Variants in NXPE2 observed in about 807,000 individuals in gnomAD.
The protein encoded by NXPE2 is neurexophilin and PC-esterase domain family member 2.
NXPE2 carries 34 observed loss-of-function variants against 34.4 expected under a neutral mutation model. That is an observed-to-expected ratio of 0.99 (90% CI 0.75 to 1.31). The LOEUF is 1.31. Among genes scored for constraint, NXPE2 ranks in the 40% most tolerant of loss-of-function variants. The pLI is 0.00. For synonymous variants in NXPE2, 235 were observed against 231.3 expected, an observed-to-expected ratio of 1.02 and a Z score of -0.15; for missense variants, 649 against 672.5, an observed-to-expected ratio of 0.97 and a Z score of 0.39.
At chr11:114,479,575 C>G in the NXPE2 span, among the ~76,000 whole-genome samples, 1 of 152,020 alleles carries the variant, frequency 6.6e-6, no homozygotes, top group Non-Finnish European at 1.5e-5. Flanking sequence ...CTGGGAGGAA[C>G]AGCAGTTGGA....
At chr11:114,615,837 G>C in the NXPE2 span, among the ~76,000 whole-genome samples, 1 of 151,602 alleles carries the variant, frequency 6.6e-6, no homozygotes, top group African/African-American at 2.4e-5. Flanking sequence ...TTACCCTGTG[G>C]ATAATAAGAG....
the NXPE2 span, among the ~76,000 whole-genome samples, chr11:114,760,333 C>T: frequency 3.3e-5 from 5 of 152,252 alleles, no homozygotes; most frequent in Non-Finnish European, 4.4e-5. Context: ...AAGAATATGT[C>T]GGTGCCCCAA....
At chr11:114,645,408 C>T in the NXPE2 span, among the ~76,000 whole-genome samples, 2 of 151,954 alleles carry the variant, frequency 1.3e-5, no homozygotes, top group East Asian at 3.9e-4. Flanking sequence ...TGTGAAAAGG[C>T]GAACTTTAAA....
At chr11:114,716,795 G>A in the NXPE2 span, among the ~76,000 whole-genome samples, 1 of 152,144 alleles carries the variant, frequency 6.6e-6, no homozygotes, top group East Asian at 1.9e-4. Context: ...TTAAGGGGTA[G>A]GCAGGTGCTA....
At chr11:114,601,208 T>C in the NXPE2 span, among the ~76,000 whole-genome samples, 2 of 151,414 alleles carry the variant, frequency 1.3e-5, no homozygotes, top group South Asian at 4.1e-4. Context: ...GCATACATTT[T>C]ACCCAATAAG....
the NXPE2 span, among the ~76,000 whole-genome samples, chr11:114,476,550 C>G: frequency 7.9e-5 from 12 of 152,188 alleles, no homozygotes; most frequent in Non-Finnish European, 1.3e-4. Context: ...AATTAACTCA[C>G]AGTTCCTCAT....
chr11:114,562,454 C>G, the NXPE2 span, among the ~76,000 whole-genome samples: 1 of 152,196 alleles, frequency 6.6e-6, no homozygotes, highest in Non-Finnish European at 1.5e-5. Flanking sequence ...CTGTGTCCAC[C>G]TTTACTGATT....
the NXPE2 span, among the ~76,000 whole-genome samples, chr11:114,610,667 A>G: frequency 0.01 from 1,551 of 152,046 alleles, 23 homozygotes; most frequent in African/African-American, 0.035. Flanking sequence ...GGTGGATAAT[A>G]CATGTTGCCT....
At chr11:114,647,715 T>A in the NXPE2 span, among the ~76,000 whole-genome samples, 67 of 152,076 alleles carry the variant, frequency 4.4e-4, no homozygotes, top group Middle Eastern at 3.4e-3. Context: ...ATTTTTTTTT[T>A]TTTTGAGACA....
At chr11:114,736,371 C>CCTCAGGGGTTCATTCTCTTT in the NXPE2 span, among the ~76,000 whole-genome samples, 1 of 152,096 alleles carries the variant, frequency 6.6e-6, no homozygotes, top group East Asian at 1.9e-4. Flanking sequence ...AGAGGCCCAC[C>CCTCAGGGGTTCATTCTCTTT]CTCAGGGGTT....
the NXPE2 span, among the ~76,000 whole-genome samples, chr11:114,806,905 T>C: frequency 2.0e-5 from 3 of 151,972 alleles, no homozygotes; most frequent in Admixed American, 1.3e-4. Context: ...TCACCAAAGT[T>C]GAAATGAAGG....
At chr11:114,700,612 G>T (rs1411365387) in intron 3 of NXPE2, among the ~76,000 whole-genome samples, 2 of 152,144 alleles carry the variant, frequency 1.3e-5, no homozygotes, top group Non-Finnish European at 2.9e-5. Context: ...CCAGTATTTT[G>T]TCTCACAGGC....
chr11:114,724,909 T>A, the NXPE2 span, among the ~76,000 whole-genome samples: 566 of 109,190 alleles, frequency 5.2e-3, 2 homozygotes, highest in African/African-American at 0.016. Context: ...TTTTTTTTTT[T>A]AATGATAACA....
At chr11:114,657,800 G>A in the NXPE2 span, among the ~76,000 whole-genome samples, 1 of 152,086 alleles carries the variant, frequency 6.6e-6, no homozygotes, top group Non-Finnish European at 1.5e-5. Context: ...CATTAATTTA[G>A]TTAAATATAC....
At chr11:114,564,074 G>A in the NXPE2 span, among the ~76,000 whole-genome samples, 1 of 152,098 alleles carries the variant, frequency 6.6e-6, no homozygotes, top group South Asian at 2.1e-4. Context: ...CAATCAATGA[G>A]TGGATAAAGA....
chr11:114,476,013 G>A, the NXPE2 span, among the ~76,000 whole-genome samples: 1 of 152,148 alleles, frequency 6.6e-6, no homozygotes, highest in African/African-American at 2.4e-5. Flanking sequence ...GGACTGAAAA[G>A]CTAGCAGTGA....
chr11:114,528,102 G>A, the NXPE2 span, among the ~76,000 whole-genome samples: 4 of 152,152 alleles, frequency 2.6e-5, no homozygotes, highest in African/African-American at 9.7e-5. Context: ...AGCACCTGAA[G>A]TCCAAAGCAG....
the NXPE2 span, among the ~76,000 whole-genome samples, chr11:114,729,424 C>T: frequency 0.094 from 14,320 of 151,954 alleles, 734 homozygotes; most frequent in Middle Eastern, 0.13. Context: ...AGATATATAC[C>T]CAGTAATGGC....
At chr11:114,621,961 T>A in the NXPE2 span, among the ~76,000 whole-genome samples, 2 of 152,190 alleles carry the variant, frequency 1.3e-5, no homozygotes, top group Non-Finnish European at 2.9e-5. Context: ...CTGTGGATAA[T>A]AAGTATGGCC....
Sources: gnomAD v4.1 joint callset for allele counts (sites outside exome capture counted in the v4.1 genomes callset) on GRCh38, gnomAD v4.1.1 for gene constraint, MANE v1.5 for transcripts, NCBI Gene and HGNC (gene_info 2026-07-23, HGNC 2026-07-21) for gene names.